The following F10 variants were observed in gnomAD, a reference collection of about 807,000 sequenced individuals.
F10 encodes the protein coagulation factor X, also known as Stuart-Prower factor.
F10 carries 29 observed loss-of-function variants against 37.1 expected under a neutral mutation model. The ratio of observed to expected loss-of-function variants is 0.78; its 90% CI spans 0.58 to 1.07. F10 has a LOEUF of 1.07. Ranked by LOEUF, F10 falls within the 50% of genes least tolerant of loss-of-function variation. F10 has a pLI of 0.00. For synonymous variants in F10, 262 were observed against 268.6 expected (o/e 0.98, Z 0.24); for missense variants, 539 against 667.9 (o/e 0.81, Z 2.13).
At chr13:113,133,188 G>GA (rs916141450) in intron 2 of F10, among the ~76,000 whole-genome samples, 3 of 149,910 alleles carry the variant, frequency 2.0e-5, no homozygotes, top group African/African-American at 4.9e-5. Flanking sequence ...TAATAAACTA[G>GA]AAAAAAAGAA....
intron 2 of F10, among the ~76,000 whole-genome samples, chr13:113,137,858 C>A (rs952708171): frequency 6.6e-6 from 1 of 152,194 alleles, no homozygotes; most frequent in African/African-American, 2.4e-5. Context: ...ATGATCTCTT[C>A]TACAGCCTTG....
Position 113,143,716 on chromosome 13 carries a change from G to C in F10, c.503-135G>C. ...TGCCGACGACGTGGGGCCTCGCCCTGCAAGCCCGCTGCCCCTCCGGGTGCC... is the reference window on the plus strand; with the variant it reads ...TGCCGACGACGTGGGGCCTCGCCCTCCAAGCCCGCTGCCCCTCCGGGTGCC... On this transcript the variant is annotated intron_variant, in intron 5 of 7. Transcript: ENST00000375559. This position sits in a 1 kb window ranked among gnomAD's most constrained non-coding sequence, Gnocchi z 6.8. The C allele has an allele frequency of 7.6e-7, 1 of 1,312,362 alleles. No homozygotes were observed. Among genetic ancestry groups the C allele is most frequent in the East Asian group, 2.6e-5 (1 of 38,778 alleles). 81.3% of individuals were successfully genotyped at this position (1,312,362 alleles called of 1,614,324 possible).
rs774730432 is a variant in F10 at position 113,140,924 on chromosome 13, C to T, written c.376C>T (p.Arg126Trp). 12 of 1,614,084 alleles carry T rather than the reference C, an allele frequency of 7.4e-6. No individual in the cohort carries two copies. Among genetic ancestry groups the T allele is most frequent in the Admixed American group, 3.3e-5 (2 of 60,030 alleles). The part of the protein sequence containing the change: ...FEGKNCELFT[R>W]KLCSLDNGDC... ...AACGTGCCTCTCCTTTGCAGTCACA[C>T]GGAAGCTCTGCAGCCTGGACAACGG... The change falls in exon 5 of 8, where the codon CGG becomes TGG. Residue 126 changes from arginine (R) to tryptophan (W), a missense_variant. Coordinates refer to ENST00000375559, the MANE Select transcript of F10 (RefSeq NM_000504.4).
chr13:113,129,211 G>A (rs917193328), intron 1 of F10, among the ~76,000 whole-genome samples: 3 of 152,300 alleles, frequency 2.0e-5, no homozygotes, highest in South Asian at 2.1e-4. Flanking sequence ...TGAGGCGTGT[G>A]GGACCTGCTT....
Position 113,139,292 on chromosome 13 carries a change from C to T in F10, c.257-65C>T, listed in dbSNP as rs1052763657. The stretch of plus-strand genomic sequence containing the variant: ...AACGGCAGGGCCAAGGTTAGCACAG[C>T]AAAACTGTTTCCATGATGCCGGAAA... On this transcript the variant is annotated intron_variant, in intron 3 of 7. Coordinates refer to ENST00000375559, the MANE Select transcript of F10 (RefSeq NM_000504.4). The surrounding 1 kb of genome is among the most constrained non-coding windows in gnomAD (Gnocchi z 5.2). 6.4e-6 allele frequency: 9 copies of T among 1,399,298 alleles called. No individual in the cohort carries two copies. The highest frequency in any genetic ancestry group is 9.1e-6 in the Non-Finnish European group (9 of 991,000). The allele number at this position is 1,399,298 out of a possible 1,614,324, so 86.7% of individuals were successfully genotyped here.
At position 113,139,103 on chromosome 13, in the gene F10, C is replaced by A. The variant is rs2036504024; in HGVS notation, c.257-254C>A. On this transcript the variant is annotated intron_variant, in intron 3 of 7. Transcript: ENST00000375559. The surrounding 1 kb of genome is among the most constrained non-coding windows in gnomAD (Gnocchi z 5.2). ...AGTTGGTCCCTGTGGTCACCTCTGA[C>A]TGTAAACACACTGCAAAACACCGGC... is the stretch of plus-strand genomic sequence containing the variant. Among the ~76,000 whole-genome samples the A allele has an allele frequency of 6.6e-6, 1 of 152,224 alleles. No individual in the cohort carries two copies. Among genetic ancestry groups the A allele is most frequent in the Non-Finnish European group, 1.5e-5 (1 of 68,042 alleles).
chr13:113,143,699 AC>A lies in F10; in HGVS notation c.503-151del. ...CCTGCAGATCCGACCCCTGCCGACG[AC>A]GTGGGGCCTCGCCCTGCAAGCCCGC... On this transcript the variant is annotated intron_variant, in intron 5 of 7. Transcript: ENST00000375559. The surrounding 1 kb of genome is among the most constrained non-coding windows in gnomAD (Gnocchi z 6.8). 202 of 1,202,798 alleles carry A rather than the reference AC, an allele frequency of 1.7e-4. No individual in the cohort carries two copies. Among genetic ancestry groups the A allele is most frequent in the Admixed American group, 1.2e-3 (58 of 46,512 alleles). The allele number at this position is 1,202,798 out of a possible 1,614,324, so 74.5% of individuals were successfully genotyped here.
rs1364420182 is a variant in F10, at chr13:113,140,388, C to T, written c.371-531C>T. 3 of 391,672 alleles carry T rather than the reference C, an allele frequency of 7.7e-6. No individual in the cohort carries two copies. The Admixed American group carries it at 8.3e-5, about 11-fold the overall frequency. The allele number at this position is 391,672 out of a possible 1,614,324, so 24.3% of individuals were successfully genotyped here. ...GAGGCACAGCGCCGGCCTAATTGAT[C>T]ATCTTTAGACTGTGTTCTTAGATTG... On this transcript the variant is annotated intron_variant, in intron 4 of 7. Coordinates refer to ENST00000375559, the MANE Select transcript of F10 (RefSeq NM_000504.4).
intron 5 of F10, among the ~76,000 whole-genome samples, chr13:113,142,370 T>A (rs1204191110): frequency 7.3e-6 from 1 of 136,508 alleles, no homozygotes; most frequent in African/African-American, 2.7e-5. Flanking sequence ...TGAAACCCCG[T>A]CTCTAGTAAA....
At chr13:113,137,356 G>C (rs187116950) in intron 2 of F10, among the ~76,000 whole-genome samples, 1 of 152,082 alleles carries the variant, frequency 6.6e-6, no homozygotes, top group African/African-American at 2.4e-5. Flanking sequence ...GTTGGCAGGT[G>C]GGGGAGATGG....
chr13:113,144,348 TC>T lies in F10; in HGVS notation c.747+256del, dbSNP rs2036561300. 2.1e-5 allele frequency: 12 copies of T among 581,860 alleles called. No homozygotes were observed. The East Asian group carries it at 3.2e-4, about 16-fold the overall frequency. 36.0% of individuals were successfully genotyped at this position (581,860 alleles called of 1,614,324 possible). A position where few individuals can be genotyped will look rare whatever the true frequency, so the allele number is the denominator to read the frequency against. On this transcript the variant is annotated intron_variant, in intron 6 of 7. Coordinates refer to ENST00000375559, the MANE Select transcript of F10 (RefSeq NM_000504.4). This position sits in a 1 kb window ranked among gnomAD's most constrained non-coding sequence, Gnocchi z 6.4. ...CCAGGCAACGCCCCCCTCAGCCCCT[TC>T]CCACTGGGCATTTCCATGGCTGCCC... is the stretch of plus-strand genomic sequence containing the variant.
At chr13:113,133,923 A>G (rs771460494) in intron 2 of F10, among the ~76,000 whole-genome samples, 1 of 152,242 alleles carries the variant, frequency 6.6e-6, no homozygotes, top group East Asian at 1.9e-4. Flanking sequence ...GAACATCCAC[A>G]TAATCATGTC....
At chr13:113,127,693 G>C (rs2036383450) in intron 1 of F10, among the ~76,000 whole-genome samples, 1 of 152,144 alleles carries the variant, frequency 6.6e-6, no homozygotes, top group Non-Finnish European at 1.5e-5. Flanking sequence ...TTTGTACTAA[G>C]TACTGTATTT....
chr13:113,126,035 G>A (rs2036367113), intron 1 of F10, among the ~76,000 whole-genome samples: 1 of 152,178 alleles, frequency 6.6e-6, no homozygotes, highest in Non-Finnish European at 1.5e-5. Context: ...ACAGGGAGGT[G>A]ACTGGTGCAA....
chr13:113,142,821 A>G (rs1239974791), intron 5 of F10, among the ~76,000 whole-genome samples: 15 of 151,094 alleles, frequency 9.9e-5, no homozygotes, highest in South Asian at 2.1e-4. Context: ...AATCCCAGCT[A>G]CTCGGGAGGC....
Position 113,144,300 on chromosome 13 carries a change from CG to C in F10, c.747+209del. The C allele has an allele frequency of 1.4e-6, 1 of 738,674 alleles. No individual in the cohort carries two copies. The highest frequency in any genetic ancestry group is 2.2e-6 in the Non-Finnish European group (1 of 453,068). 45.8% of individuals were successfully genotyped at this position (738,674 alleles called of 1,614,324 possible). A position where few individuals can be genotyped will look rare whatever the true frequency, so the allele number is the denominator to read the frequency against. ...GCTGTGAGCTCCACAGGGAAGTGGC[CG>C]GGGCTGAGGGAGAGGCTGGGCCCAG... On this transcript the variant is annotated intron_variant, in intron 6 of 7. Coordinates refer to ENST00000375559, the MANE Select transcript of F10 (RefSeq NM_000504.4). This position sits in a 1 kb window ranked among gnomAD's most constrained non-coding sequence, Gnocchi z 6.4.
At chr13:113,126,877 CA>C (rs1438794468) in intron 1 of F10, among the ~76,000 whole-genome samples, 2 of 152,216 alleles carry the variant, frequency 1.3e-5, no homozygotes, top group African/African-American at 4.8e-5. Flanking sequence ...TCAGCTTCCT[CA>C]GTGCCTTTTG....
At chr13:113,133,001 CAA>C (rs1190744508) in intron 2 of F10, among the ~76,000 whole-genome samples, 2 of 151,892 alleles carry the variant, frequency 1.3e-5, no homozygotes, top group Non-Finnish European at 2.9e-5. Flanking sequence ...ATCTGTGAGT[CAA>C]AGAGAAAATT....
Position 113,144,159 on chromosome 13 carries a change from G to T in F10, c.747+64G>T. The T allele has an allele frequency of 1.0e-5, 16 of 1,607,994 alleles. No homozygotes were observed. Among genetic ancestry groups the T allele is most frequent in the Non-Finnish European group, 1.4e-5 (16 of 1,178,656 alleles). On this transcript the variant is annotated intron_variant, in intron 6 of 7. Transcript: ENST00000375559. The surrounding 1 kb of genome is among the most constrained non-coding windows in gnomAD (Gnocchi z 6.4). ...CACCTGTCCCGCTGTGCACCTCGGG[G>T]AGGCCAGCCTGACACTTGGAATAGC...
Sources: allele counts gnomAD v4.1 joint callset (sites outside exome capture counted in the v4.1 genomes callset), GRCh38; gene constraint gnomAD v4.1.1; non-coding constraint Gnocchi (gnomAD v3.1); transcripts MANE v1.5; gene names NCBI Gene and HGNC (gene_info 2026-07-23, HGNC 2026-07-21).